Variants in OPCML observed in about 807,000 individuals in gnomAD.
OPCML encodes opioid binding protein/cell adhesion molecule like.
OPCML carries 13 observed loss-of-function variants against 37.8 expected under a neutral mutation model. That is an observed-to-expected ratio of 0.34 (90% confidence interval 0.22 to 0.55). OPCML has a LOEUF of 0.55. OPCML is among the 20% of genes least tolerant of loss of function. The pLI is 0.91. For synonymous variants in OPCML, 176 were observed against 168.8 expected (o/e 1.04, Z -0.33); for missense variants, 341 against 435.6 (o/e 0.78, Z 1.93).
At chr11:133,416,315 C>G (rs867755151) in intron 1 of OPCML, among the ~76,000 whole-genome samples, 3 of 152,174 alleles carry the variant, frequency 2.0e-5, no homozygotes, top group Non-Finnish European at 2.9e-5. Flanking sequence ...CTCTAAAATT[C>G]TTTAATGGCT....
At chr11:132,932,064 G>C (rs1945222781) in intron 2 of OPCML, among the ~76,000 whole-genome samples, 1 of 152,182 alleles carries the variant, frequency 6.6e-6, no homozygotes, top group African/African-American at 2.4e-5. Context: ...GAGGTACCTA[G>C]TGTGGTCAAA....
intron 1 of OPCML, among the ~76,000 whole-genome samples, chr11:133,416,443 G>T (rs1488873274): frequency 6.6e-6 from 1 of 152,136 alleles, no homozygotes; most frequent in Non-Finnish European, 1.5e-5. Context: ...TCTGCCTCAT[G>T]GCTCAATACC....
rs557044285 is a variant in OPCML, at chr11:132,950,397, T to C, written c.62-7387A>G. Among the ~76,000 whole-genome samples, 7 of 152,174 alleles carry C rather than the reference T, an allele frequency of 4.6e-5. No individual in the cohort carries two copies. In the East Asian group the frequency reaches 7.7e-4, roughly 17 times the overall value. On this transcript the variant is annotated intron_variant, in intron 1 of 7. Transcript: ENST00000524381. ...GAAAAAGAGAGCGATTGAGGAAGAT[T>C]TGGGTAACTAGCTGCATTTTACAAC...
rs956795095 is a variant in OPCML at position 133,173,773 on chromosome 11, T to G, written c.62-230763A>C. ...AAGTAAAGAAAAAATAGAATTACGT[T>G]TTTCTCTTTTTCCCCATCCCAGCTT... On this transcript the variant is annotated intron_variant, in intron 1 of 7. Coordinates refer to ENST00000524381, the MANE Select transcript of OPCML (RefSeq NM_001012393.5). This position sits in a 1 kb window ranked among gnomAD's most constrained non-coding sequence, Gnocchi z 7.8. 6.6e-6 allele frequency among the ~76,000 whole-genome samples: 1 copy of G among 152,172 alleles called. No individual in the cohort carries two copies. Among genetic ancestry groups the G allele is most frequent in the African/African-American group, 2.4e-5 (1 of 41,440 alleles).
In OPCML at chr11:132,636,561, T is replaced by A. The variant is rs547259718; in HGVS notation, c.379+20526A>T. Among the ~76,000 whole-genome samples the A allele has an allele frequency of 2.6e-5, 4 of 152,338 alleles. No homozygotes were observed. The South Asian group carries it at 8.3e-4, about 32-fold the overall frequency. On this transcript the variant is annotated intron_variant, in intron 3 of 7. Coordinates refer to ENST00000524381, the MANE Select transcript of OPCML (RefSeq NM_001012393.5). The stretch of plus-strand genomic sequence containing the variant: ...AATAAGCCTTCCATATAATGCCTCC[T>A]GACTTGCATTTATTCTGGCTTTTCT...
chr11:133,373,244 A>C (rs940309104), intron 1 of OPCML, among the ~76,000 whole-genome samples: 8 of 151,606 alleles, frequency 5.3e-5, no homozygotes, highest in African/African-American at 1.9e-4. Context: ...AAAAAACTTT[A>C]ACAAAAGTTC....
intron 1 of OPCML, among the ~76,000 whole-genome samples, chr11:133,356,443 G>T (rs1056996797): frequency 6.6e-6 from 1 of 152,152 alleles, no homozygotes; most frequent in Non-Finnish European, 1.5e-5. Flanking sequence ...CACAATCGGG[G>T]TTAGACCTGC....
intron 1 of OPCML, among the ~76,000 whole-genome samples, chr11:133,259,898 G>C (rs965621835): frequency 6.6e-6 from 1 of 152,150 alleles, no homozygotes. Context: ...GAATACGGTA[G>C]TGAACATAAC....
At chr11:133,116,878 T>C (rs1269995892) in intron 1 of OPCML, among the ~76,000 whole-genome samples, 2 of 151,472 alleles carry the variant, frequency 1.3e-5, no homozygotes, top group Non-Finnish European at 2.9e-5. Context: ...TTGATGATTA[T>C]TGCCTGAATC....
intron 1 of OPCML, among the ~76,000 whole-genome samples, chr11:133,444,326 A>C (rs1272582958): frequency 6.6e-6 from 1 of 152,248 alleles, no homozygotes; most frequent in Non-Finnish European, 1.5e-5. Flanking sequence ...TAAAGCTATC[A>C]GAGTATAATT....
rs1162718283 is a variant in OPCML at position 132,782,910 on chromosome 11, AGT to A, written c.147-125593_147-125592del. On this transcript the variant is annotated intron_variant, in intron 2 of 7. Transcript: ENST00000524381. ...TATATAAAATATGTAATATATATAT[AGT>A]GTGTGTATATATATATATATATATA... Among the ~76,000 whole-genome samples, 6 of 115,444 alleles carry A rather than the reference AGT, an allele frequency of 5.2e-5. No homozygotes were observed. In the South Asian group the frequency reaches 1.1e-3, roughly 22 times the overall value. The allele number at this position is 115,444 out of a possible 152,430, so 75.7% of individuals were successfully genotyped here.
chr11:133,112,285 C>CAAAAAAAAA (rs370146450), intron 1 of OPCML, among the ~76,000 whole-genome samples: 3 of 49,128 alleles, frequency 6.1e-5, no homozygotes, highest in Admixed American at 3.8e-4. Flanking sequence ...GACTCTTGGC[C>CAAAAAAAAA]AAAAAAAAAA....
At chr11:132,817,511 G>T (rs1939702692) in intron 2 of OPCML, among the ~76,000 whole-genome samples, 1 of 152,092 alleles carries the variant, frequency 6.6e-6, no homozygotes, top group Non-Finnish European at 1.5e-5. Flanking sequence ...GAAGCAGACA[G>T]CTGGCTATGT....
intron 1 of OPCML, among the ~76,000 whole-genome samples, chr11:132,954,128 T>TTTG (rs1456848376): frequency 6.6e-6 from 1 of 151,756 alleles, no homozygotes; most frequent in Non-Finnish European, 1.5e-5. Context: ...TCTTGGGTTT[T>TTTG]TTGTTTGTTT....
chr11:133,003,258 A>G (rs997320824), intron 1 of OPCML, among the ~76,000 whole-genome samples: 2 of 152,214 alleles, frequency 1.3e-5, no homozygotes, highest in African/African-American at 4.8e-5. Flanking sequence ...GTCTGAATTC[A>G]GCATCACTGA....
intron 1 of OPCML, among the ~76,000 whole-genome samples, chr11:133,083,276 G>A (rs1948768415): frequency 6.6e-6 from 1 of 152,164 alleles, no homozygotes. Context: ...AGCCGGGCGC[G>A]CGCTGTGGTC....
intron 2 of OPCML, among the ~76,000 whole-genome samples, chr11:132,709,289 T>G (rs1944163790): frequency 6.6e-6 from 1 of 152,228 alleles, no homozygotes; most frequent in Non-Finnish European, 1.5e-5. Context: ...TATTTTGAAA[T>G]ATTTTAGATT....
chr11:132,733,371 A>G (rs1331720267), intron 2 of OPCML, among the ~76,000 whole-genome samples: 1 of 152,098 alleles, frequency 6.6e-6, no homozygotes, highest in East Asian at 1.9e-4. Context: ...AACAAGCAGA[A>G]GATTTCCGCT....
chr11:133,312,737 T>G (rs1421108970), intron 1 of OPCML, among the ~76,000 whole-genome samples: 1 of 151,948 alleles, frequency 6.6e-6, no homozygotes, highest in Admixed American at 6.6e-5. Flanking sequence ...AAAAATAGAG[T>G]TTTTTAAAAA....
Sources: gnomAD v4.1 joint callset for allele counts (sites outside exome capture counted in the v4.1 genomes callset) on GRCh38, gnomAD v4.1.1 for gene constraint, Gnocchi (gnomAD v3.1) non-coding constraint, MANE v1.5 for transcripts, NCBI Gene and HGNC (gene_info 2026-07-23, HGNC 2026-07-21) for gene names.